TMEM132B: variants seen among roughly 807,000 people sequenced by gnomAD.
TMEM132B encodes the protein transmembrane protein 132B.
Under a neutral mutation model 90.8 loss-of-function variants are expected in TMEM132B, and 18 were observed. The ratio of observed to expected loss-of-function variants is 0.20; its 90% CI spans 0.14 to 0.29. The LOEUF (loss-of-function observed/expected upper bound fraction) is 0.29. TMEM132B is among the 10% of genes least tolerant of loss of function. The probability of loss-of-function intolerance (pLI) is 1.00; values close to 1 mark genes in which losing one functional copy is unlikely to be tolerated. For synonymous variants in TMEM132B, 504 were observed against 523.3 expected (o/e 0.96, Z 0.50); for missense variants, 1,096 against 1,326.8 (o/e 0.83, Z 2.70).
chr12:125,434,879 G>A (rs1276028730), intron 3 of TMEM132B, among the ~76,000 whole-genome samples: 1 of 152,178 alleles, frequency 6.6e-6, no homozygotes, highest in East Asian at 1.9e-4. Context: ...GGTCAGGAGC[G>A]AAGAGCCCCT....
chr12:125,366,425 T>C (rs780817813), intron 2 of TMEM132B, among the ~76,000 whole-genome samples: 4 of 152,130 alleles, frequency 2.6e-5, no homozygotes, highest in Non-Finnish European at 4.4e-5. Flanking sequence ...CCAGCATTTG[T>C]TATTTTTTTT....
At chr12:125,323,586 T>C (rs907129209) in intron 1 of TMEM132B, among the ~76,000 whole-genome samples, 44 of 152,108 alleles carry the variant, frequency 2.9e-4, no homozygotes, top group Non-Finnish European at 5.6e-4. Context: ...TGGCACAATC[T>C]CAGCTCACTG....
At chr12:125,431,543 G>A (rs1251811804) in intron 3 of TMEM132B, among the ~76,000 whole-genome samples, 2 of 150,656 alleles carry the variant, frequency 1.3e-5, no homozygotes, top group East Asian at 3.9e-4. Context: ...ATTGCTTTGT[G>A]TGGATGTCTC....
At chr12:125,453,665 G>C (rs1179341922) in intron 3 of TMEM132B, among the ~76,000 whole-genome samples, 2 of 152,196 alleles carry the variant, frequency 1.3e-5, no homozygotes, top group Non-Finnish European at 2.9e-5. Context: ...TCTGTTTAGA[G>C]ATGCTCCATG....
chr12:125,417,265 A>G lies in TMEM132B; in HGVS notation c.1106+1588A>G, dbSNP rs566541700. Among the ~76,000 whole-genome samples, 3 of 152,164 alleles carry G rather than the reference A, an allele frequency of 2.0e-5. No individual in the cohort carries two copies. In the South Asian group the frequency reaches 6.3e-4, roughly 32 times the overall value. ...GTGTCCCTTTTTACCAGGGAGGAAA[A>G]CCTTTCCAACAATATCCATGGAAGT... On this transcript the variant is annotated intron_variant, in intron 3 of 8. Transcript: ENST00000682704.
At chr12:125,225,505 C>T (rs552912063) in intron 1 of TMEM132B, among the ~76,000 whole-genome samples, 5 of 152,250 alleles carry the variant, frequency 3.3e-5, no homozygotes, top group African/African-American at 1.2e-4. Flanking sequence ...TGTGCTATGC[C>T]TTTTTTATAT....
rs765586148 is a variant in TMEM132B at position 125,194,269 on chromosome 12, G to GT, written c.67+7403_67+7404insT. On this transcript the variant is annotated intron_variant, in intron 1 of 8. Transcript: ENST00000682704. Reference sequence around the variant, plus strand: ...CGAGCCTGGTCTGAATTAACCCGTTGGTGGGGGGGTCTTACTCATTGTGGC... The same window carrying GT: ...CGAGCCTGGTCTGAATTAACCCGTTGTGTGGGGGGGTCTTACTCATTGTGGC... Among the ~76,000 whole-genome samples the GT allele has an allele frequency of 2.4e-4, 23 of 93,886 alleles. 1 individual carries two copies. Among genetic ancestry groups the GT allele is most frequent in the South Asian group, 2.3e-3 (6 of 2,626 alleles). The allele number at this position is 93,886 out of a possible 152,430, so 61.6% of individuals were successfully genotyped here.
intron 3 of TMEM132B, among the ~76,000 whole-genome samples, chr12:125,494,444 T>G (rs1882464727): frequency 1.0e-5 from 1 of 99,612 alleles, no homozygotes; most frequent in Non-Finnish European, 2.0e-5. Context: ...GCCGTGTCCC[T>G]CCTCCCCCTC....
At chr12:125,328,477 G>C (rs1000435087) in intron 1 of TMEM132B, among the ~76,000 whole-genome samples, 3 of 152,190 alleles carry the variant, frequency 2.0e-5, no homozygotes, top group Non-Finnish European at 2.9e-5. Flanking sequence ...CCAAAATCAA[G>C]GTGTTGGCAG....
chr12:125,310,741 C>A (rs1348173355), intron 1 of TMEM132B, among the ~76,000 whole-genome samples: 1 of 152,172 alleles, frequency 6.6e-6, no homozygotes, highest in African/African-American at 2.4e-5. Context: ...CCCAACAACA[C>A]CCCCACGGTA....
At chr12:125,452,996 C>G (rs191913063) in intron 3 of TMEM132B, among the ~76,000 whole-genome samples, 14 of 151,968 alleles carry the variant, frequency 9.2e-5, no homozygotes, top group Admixed American at 2.0e-4. Context: ...TGGCTTTGCA[C>G]TTTATCTCTT....
In TMEM132B at chr12:125,492,819, G is replaced by T. The variant is rs1882390499; in HGVS notation, c.1107-26620G>T. Among the ~76,000 whole-genome samples, 2 of 152,170 alleles carry T rather than the reference G, an allele frequency of 1.3e-5. No homozygotes were observed. Among genetic ancestry groups the T allele is most frequent in the South Asian group, 4.1e-4 (2 of 4,820 alleles). On this transcript the variant is annotated intron_variant, in intron 3 of 8. Transcript: ENST00000682704. This position sits in a 1 kb window ranked among gnomAD's most constrained non-coding sequence, Gnocchi z 5.8. ...CAAAATGGGCTGGGCCCTGTGTCAGGCTCCAGGGATAGACACAGCGCCAAC... is the reference window on the plus strand; with the variant it reads ...CAAAATGGGCTGGGCCCTGTGTCAGTCTCCAGGGATAGACACAGCGCCAAC...
At chr12:125,650,403 T>G (rs1052203001) in intron 6 of TMEM132B, among the ~76,000 whole-genome samples, 1 of 152,102 alleles carries the variant, frequency 6.6e-6, no homozygotes, top group Non-Finnish European at 1.5e-5. Context: ...AAATTACCAG[T>G]TTCCAGGACG....
intron 1 of TMEM132B, among the ~76,000 whole-genome samples, chr12:125,298,147 T>C (rs2136156584): frequency 6.6e-6 from 1 of 152,278 alleles, no homozygotes; most frequent in East Asian, 1.9e-4. Context: ...TCCCAGCTAC[T>C]GTGGAGGCTG....
intron 5 of TMEM132B, among the ~76,000 whole-genome samples, chr12:125,639,803 G>A (rs867115155): frequency 7.0e-4 from 106 of 152,320 alleles, no homozygotes; most frequent in African/African-American, 2.4e-3. Flanking sequence ...GAGTGGCTCC[G>A]GGAATGCATT....
rs114803229 is a variant in TMEM132B, at chr12:125,429,005, G to A, written c.1106+13328G>A. Among the ~76,000 whole-genome samples, 1,310 of 152,208 alleles carry A rather than the reference G, an allele frequency of 8.6e-3. 21 individuals are homozygous for A. Among genetic ancestry groups the A allele is most frequent in the African/African-American group, 0.029 (1,196 of 41,516 alleles). On this transcript the variant is annotated intron_variant, in intron 3 of 8. Transcript: ENST00000682704. ...ATAATAATAGACTTTATTTTTCAGA[G>A]TGGTTATAGATTTACAGAAAAATTG...
At position 125,605,789 on chromosome 12, in the gene TMEM132B, T is replaced by C. The variant is rs560262171; in HGVS notation, c.1437+21795T>C. On this transcript the variant is annotated intron_variant, in intron 5 of 8. Coordinates refer to ENST00000682704, the MANE Select transcript of TMEM132B (RefSeq NM_001366854.1). ...GAGGCAAAGAGAATAAGGATGTTGG[T>C]TCACCATCCCCCAGGTTTTAGGTTT... 4.3e-4 allele frequency among the ~76,000 whole-genome samples: 65 copies of C among 152,310 alleles called. 1 individual carries two copies. The South Asian group carries it at 0.013, about 30-fold the overall frequency.
chr12:125,510,544 A>T (rs1274295807), intron 3 of TMEM132B, among the ~76,000 whole-genome samples: 2 of 152,216 alleles, frequency 1.3e-5, no homozygotes, highest in South Asian at 2.1e-4. Flanking sequence ...AGAGTTGAAG[A>T]TGGTGATCTT....
chr12:125,250,366 C>T (rs189912792), intron 1 of TMEM132B, among the ~76,000 whole-genome samples: 79 of 152,380 alleles, frequency 5.2e-4, no homozygotes, highest in East Asian at 3.9e-4. Flanking sequence ...AGTTACCTTG[C>T]TGTTCCATCT....
Sources: allele counts gnomAD v4.1 joint callset (sites outside exome capture counted in the v4.1 genomes callset), GRCh38; gene constraint gnomAD v4.1.1; non-coding constraint Gnocchi (gnomAD v3.1); transcripts MANE v1.5; gene names NCBI Gene and HGNC (gene_info 2026-07-23, HGNC 2026-07-21).